The following RUSC2 variants were observed in gnomAD, a reference collection of about 807,000 sequenced individuals.
RUSC2 encodes the protein RUN and SH3 domain containing 2.
In RUSC2, 34 loss-of-function variants were observed where a neutral mutation model predicts 122.2. That is an observed-to-expected ratio of 0.28 (90% CI 0.21 to 0.37). The LOEUF is 0.37. Ranked by LOEUF, RUSC2 falls within the 10% of genes least tolerant of loss-of-function variation. RUSC2 has a pLI of 1.00. For missense variants in RUSC2, 1,747 were observed against 1,952.4 expected, an observed-to-expected ratio of 0.89 and a Z score of 1.98; for synonymous variants, 784 against 790.0, an observed-to-expected ratio of 0.99 and a Z score of 0.13.
intron 1 of RUSC2, among the ~76,000 whole-genome samples, chr9:35,523,357 T>A (rs1821251500): frequency 6.6e-6 from 1 of 152,244 alleles, no homozygotes; most frequent in Non-Finnish European, 1.5e-5. Flanking sequence ...TTTTAACAAA[T>A]GTACCTTGAT....
rs1822194580 is a variant in RUSC2 at position 35,561,894 on chromosome 9, A to G, written c.*512A>G. 2 of 774,798 alleles carry G rather than the reference A, an allele frequency of 2.6e-6. No homozygotes were observed. The highest frequency in any genetic ancestry group is 1.7e-5 in the African/African-American group (1 of 57,552). 48.0% of individuals were successfully genotyped at this position (774,798 alleles called of 1,614,324 possible). Reference sequence around the variant, plus strand: ...TAATAAAAAAGGTGCTCAGCCTCCAAACCATTTTCTCTTTGTGTTCCCCCA... The same window carrying G: ...TAATAAAAAAGGTGCTCAGCCTCCAGACCATTTTCTCTTTGTGTTCCCCCA... On this transcript the variant is annotated 3_prime_UTR_variant, in exon 12 of 12. Coordinates refer to ENST00000361226, the MANE Select transcript of RUSC2 (RefSeq NM_014806.5).
At chr9:35,524,937 C>A (rs1275057324) in intron 1 of RUSC2, among the ~76,000 whole-genome samples, 1 of 151,336 alleles carries the variant, frequency 6.6e-6, no homozygotes, top group Non-Finnish European at 1.5e-5. Context: ...CACCACTGCA[C>A]TCCAGCCTGG....
chr9:35,495,405 A>G (rs893886594), intron 1 of RUSC2, among the ~76,000 whole-genome samples: 1 of 150,144 alleles, frequency 6.7e-6, no homozygotes, highest in Non-Finnish European at 1.5e-5. Flanking sequence ...AGTTTTTCCA[A>G]CACCATTTGT....
At chr9:35,536,401 C>G (rs1395984512) in intron 1 of RUSC2, among the ~76,000 whole-genome samples, 1 of 152,136 alleles carries the variant, frequency 6.6e-6, no homozygotes, top group Non-Finnish European at 1.5e-5. Flanking sequence ...TAATTTTGAA[C>G]AGGGCCAAGT....
intron 1 of RUSC2, among the ~76,000 whole-genome samples, chr9:35,500,146 A>ACAGTATTAGTCTGTTTTTATG (rs1564242782): frequency 6.6e-6 from 1 of 151,758 alleles, no homozygotes; most frequent in African/African-American, 2.4e-5. Context: ...TTTCTGCCTT[A>ACAGTATTAGTCTGTTTTTATG]CTGTATTAGT....
chr9:35,548,726 G>A lies in RUSC2; in HGVS notation c.2014+191G>A. On this transcript the variant is annotated intron_variant, in intron 2 of 11. Coordinates refer to ENST00000361226, the MANE Select transcript of RUSC2 (RefSeq NM_014806.5). This position sits in a 1 kb window ranked among gnomAD's most constrained non-coding sequence, Gnocchi z 4.5. ...AATAGGCTCACTGGAGAAAGACAGA[G>A]GACTCAAAAATACACTGAGCAGACT... is the stretch of plus-strand genomic sequence containing the variant. 5.1e-6 allele frequency: 5 copies of A among 985,334 alleles called. No individual in the cohort carries two copies. Among genetic ancestry groups the A allele is most frequent in the Non-Finnish European group, 6.0e-6 (5 of 829,906 alleles). The allele number at this position is 985,334 out of a possible 1,614,324, so 61.0% of individuals were successfully genotyped here.
chr9:35,527,172 G>A (rs1821340716), intron 1 of RUSC2, among the ~76,000 whole-genome samples: 1 of 149,506 alleles, frequency 6.7e-6, no homozygotes, highest in South Asian at 2.1e-4. Flanking sequence ...AGGTCTCACT[G>A]TGTCACCCAG....
At chr9:35,545,340 G>C (rs1049692241) in intron 1 of RUSC2, among the ~76,000 whole-genome samples, 1 of 152,226 alleles carries the variant, frequency 6.6e-6, no homozygotes, top group Admixed American at 6.5e-5. Context: ...AACATTACAT[G>C]TGAGGAGTCG....
Position 35,548,230 on chromosome 9 carries a change from C to A in RUSC2, c.1709C>A (p.Ser570Tyr), listed in dbSNP as rs369478508. ...PPLRVSVGDS[S>Y]QEFSPIQEAQ... is the part of the protein sequence containing the mutation. ...CTTCGTGTGAGTGTTGGGGACTCCT[C>A]CCAGGAGTTCTCACCCATCCAAGAA... Residue 570 changes from serine (S) to tyrosine (Y), a missense_variant, in exon 2 of 12, where the codon TCC becomes TAC. Physicochemically the swap from Ser to Tyr is moderately radical, Grantham distance 144. Coordinates refer to ENST00000361226, the MANE Select transcript of RUSC2 (RefSeq NM_014806.5). The surrounding 1 kb of genome is among the most constrained non-coding windows in gnomAD (Gnocchi z 4.5). 59 of 1,613,574 alleles carry A rather than the reference C, an allele frequency of 3.7e-5. No homozygotes were observed. Among genetic ancestry groups the A allele is most frequent in the Non-Finnish European group, 4.9e-5 (58 of 1,179,948 alleles).
intron 1 of RUSC2, among the ~76,000 whole-genome samples, chr9:35,524,919 C>G (rs553859506): frequency 5.2e-4 from 78 of 150,418 alleles, no homozygotes; most frequent in Admixed American, 9.3e-4. Context: ...TGCAGTAAGC[C>G]AAGATCGCAC....
intron 1 of RUSC2, among the ~76,000 whole-genome samples, chr9:35,497,036 A>G (rs1429797162): frequency 2.0e-5 from 3 of 152,342 alleles, no homozygotes; most frequent in East Asian, 3.9e-4. Context: ...CTACACAGTC[A>G]AGCATCTTTA....
chr9:35,555,522 G>C lies in RUSC2; in HGVS notation c.2477G>C (p.Arg826Pro). The change falls in exon 3 of 12, where the codon CGG becomes CCG. Residue 826 changes from arginine to proline, a missense_variant. Coordinates refer to ENST00000361226, the MANE Select transcript of RUSC2 (RefSeq NM_014806.5). The surrounding 1 kb of genome is among the most constrained non-coding windows in gnomAD (Gnocchi z 4.6). The stretch of plus-strand genomic sequence containing the variant: ...AGCCACTCCTGTCCTTCTGCTGTCC[G>C]GCCTGCCACCTCCCAGCAGCCGCAG... ...PWSHSCPSAV[R>P]PATSQQPQKE... 1 of 1,614,136 alleles carries C rather than the reference G, an allele frequency of 6.2e-7. No individual in the cohort carries two copies. The highest frequency in any genetic ancestry group is 8.5e-7 in the Non-Finnish European group (1 of 1,180,020).
chr9:35,502,675 T>C (rs1820837711), intron 1 of RUSC2, among the ~76,000 whole-genome samples: 1 of 152,158 alleles, frequency 6.6e-6, no homozygotes, highest in African/African-American at 2.4e-5. Context: ...TGAAAAGATA[T>C]CATTGAACAG....
chr9:35,559,919 A>G, intron 9 of RUSC2, 110 bp from the exon 10 acceptor site: 1 of 898,578 alleles, frequency 1.1e-6, no homozygotes. Flanking sequence ...TGACTAGTGC[A>G]CAGCCTGCAC....
intron 1 of RUSC2, chr9:35,507,856 A>C (rs1820945655): frequency 4.7e-6 from 1 of 211,812 alleles, no homozygotes; most frequent in Non-Finnish European, 1.0e-5. Flanking sequence ...GAGATAAGTG[A>C]AAAGGCCAAG....
chr9:35,498,959 A>G (rs1425345417), intron 1 of RUSC2, among the ~76,000 whole-genome samples: 2 of 152,038 alleles, frequency 1.3e-5, no homozygotes, highest in Non-Finnish European at 2.9e-5. Flanking sequence ...GACACTGAAA[A>G]CAACATTATT....
intron 1 of RUSC2, among the ~76,000 whole-genome samples, chr9:35,522,369 GC>G (rs538265094): frequency 1.3e-5 from 2 of 152,200 alleles, no homozygotes; most frequent in Non-Finnish European, 2.9e-5. Flanking sequence ...TGCCTCTGGG[GC>G]CCCCCACAGT....
chr9:35,505,985 A>G (rs892903091), intron 1 of RUSC2, among the ~76,000 whole-genome samples: 2 of 152,204 alleles, frequency 1.3e-5, no homozygotes, highest in African/African-American at 4.8e-5. Context: ...TGGAAATTCT[A>G]GTCATAACAA....
intron 1 of RUSC2, among the ~76,000 whole-genome samples, chr9:35,538,254 C>A (rs1471772265): frequency 6.6e-6 from 1 of 152,170 alleles, no homozygotes; most frequent in African/African-American, 2.4e-5. Flanking sequence ...GAATTGAATA[C>A]CGTGTTAGGA....
Sources: gnomAD v4.1 joint callset for allele counts (sites outside exome capture counted in the v4.1 genomes callset) on GRCh38, gnomAD v4.1.1 for gene constraint, Gnocchi (gnomAD v3.1) non-coding constraint, MANE v1.5 for transcripts, NCBI Gene and HGNC (gene_info 2026-07-23, HGNC 2026-07-21) for gene names.